The following LNP1 variants were observed in gnomAD, a reference collection of about 807,000 sequenced individuals.
LNP1 encodes leukemia NUP98 fusion partner 1.
Under a neutral mutation model 14.5 loss-of-function variants are expected in LNP1, and 12 were observed. The ratio of observed to expected loss-of-function variants is 0.83; its 90% CI spans 0.53 to 1.34. The LOEUF is 1.34. Ranked by LOEUF, LNP1 falls within the 40% of genes most tolerant of loss-of-function variation. The pLI is 0.00. For missense variants in LNP1, 198 were observed against 210.9 expected, an observed-to-expected ratio of 0.94 and a Z score of 0.38; for synonymous variants, 75 against 71.4, an observed-to-expected ratio of 1.05 and a Z score of -0.26.
At position 100,442,414 on chromosome 3, in the gene LNP1, A is replaced by G. The variant is rs556214096; in HGVS notation, c.157-9305A>G. Among the ~76,000 whole-genome samples, 4 of 152,318 alleles carry G rather than the reference A, an allele frequency of 2.6e-5. 1 individual carries two copies. The South Asian group carries it at 8.3e-4, about 32-fold the overall frequency. Reference sequence around the variant, plus strand: ...CCAACAACAAGTGCCTAAGGTGGTCAGAGGACAGTTTGGTTTTATACATTC... The same window carrying G: ...CCAACAACAAGTGCCTAAGGTGGTCGGAGGACAGTTTGGTTTTATACATTC... On this transcript the variant is annotated intron_variant, in intron 2 of 3. Coordinates refer to ENST00000383693, the MANE Select transcript of LNP1 (RefSeq NM_001085451.2).
chr3:100,409,468 C>T (rs527693054), intron 1 of LNP1, among the ~76,000 whole-genome samples: 1 of 151,090 alleles, frequency 6.6e-6, no homozygotes, highest in Non-Finnish European at 1.5e-5. Flanking sequence ...GACAGTGAAA[C>T]CCTGTCTTTA....
intron 1 of LNP1, among the ~76,000 whole-genome samples, chr3:100,421,929 A>G (rs1470835375): frequency 6.6e-6 from 1 of 152,074 alleles, no homozygotes; most frequent in Non-Finnish European, 1.5e-5. Flanking sequence ...TAAATGTTGT[A>G]TTTTGTCAGT....
intron 1 of LNP1, among the ~76,000 whole-genome samples, chr3:100,406,199 T>A (rs1706964116): frequency 6.6e-6 from 1 of 151,938 alleles, no homozygotes; most frequent in African/African-American, 2.4e-5. Context: ...GGCAGGAGAA[T>A]CGCTTGAACC....
intron 1 of LNP1, among the ~76,000 whole-genome samples, chr3:100,408,200 C>T (rs945130211): frequency 2.0e-5 from 3 of 152,206 alleles, no homozygotes; most frequent in Non-Finnish European, 2.9e-5. Flanking sequence ...GTTACTTATT[C>T]CAGCCCTCAC....
At chr3:100,425,654 C>T (rs1384299083) in intron 1 of LNP1, among the ~76,000 whole-genome samples, 3 of 151,954 alleles carry the variant, frequency 2.0e-5, no homozygotes, top group Non-Finnish European at 1.5e-5. Context: ...CTTATCTAGA[C>T]CATTTATAAG....
chr3:100,438,430 G>A (rs892095840), intron 2 of LNP1, among the ~76,000 whole-genome samples: 8 of 152,018 alleles, frequency 5.3e-5, no homozygotes, highest in African/African-American at 1.2e-4. Context: ...TGACTAGAGC[G>A]GTATATTTGT....
intron 3 of LNP1, among the ~76,000 whole-genome samples, chr3:100,452,484 G>C (rs1357842100): frequency 1.3e-5 from 2 of 151,920 alleles, no homozygotes; most frequent in Admixed American, 1.3e-4. Flanking sequence ...TAGGATTCCA[G>C]GTGTGAGCCA....
Position 100,429,689 on chromosome 3 carries a change from G to A in LNP1, c.-33-8G>A, listed in dbSNP as rs779395149. The A allele has an allele frequency of 7.0e-6, 11 of 1,571,156 alleles. No individual in the cohort carries two copies. Among genetic ancestry groups the A allele is most frequent in the South Asian group, 5.7e-5 (5 of 87,362 alleles). On this transcript the variant is annotated splice_region_variant and splice_polypyrimidine_tract_variant and intron_variant, in intron 1 of 3. Coordinates refer to ENST00000383693, the MANE Select transcript of LNP1 (RefSeq NM_001085451.2). ...CTGTTGGGTGATATTTCCCTCTGTC[G>A]CATTTAGGGACAGGCCTTCAGTATT...
chr3:100,453,972 C>T (rs1707485591), intron 3 of LNP1, among the ~76,000 whole-genome samples: 2 of 151,992 alleles, frequency 1.3e-5, no homozygotes, highest in South Asian at 4.1e-4. Context: ...TCTATTTTAC[C>T]CTGGAGCACT....
At chr3:100,438,672 G>C (rs1293002389) in intron 2 of LNP1, among the ~76,000 whole-genome samples, 1 of 152,194 alleles carries the variant, frequency 6.6e-6, no homozygotes, top group African/African-American at 2.4e-5. Flanking sequence ...CTTTGACAGA[G>C]ATTGTTGTTC....
chr3:100,453,975 G>A (rs1278585333), intron 3 of LNP1, among the ~76,000 whole-genome samples: 2 of 151,990 alleles, frequency 1.3e-5, no homozygotes, highest in Non-Finnish European at 2.9e-5. Flanking sequence ...ATTTTACCCT[G>A]GAGCACTTTC....
At chr3:100,418,221 G>A (rs1202239975) in intron 1 of LNP1, among the ~76,000 whole-genome samples, 4 of 150,808 alleles carry the variant, frequency 2.7e-5, no homozygotes, top group South Asian at 2.1e-4. Context: ...CACCACACCC[G>A]GCTAATTTTT....
Position 100,455,994 on chromosome 3 carries a change from C to T in LNP1, c.*68C>T. ...TTTTTTTCTTTGAGCCCCAATTCAC[C>T]ATTTCAGGATGTGGATGGGGGCGGG... On this transcript the variant is annotated 3_prime_UTR_variant, in exon 4 of 4. Transcript: ENST00000383693. 2.6e-6 allele frequency: 4 copies of T among 1,522,356 alleles called. No individual in the cohort carries two copies. The South Asian group carries it at 5.1e-5, about 20-fold the overall frequency. 94.3% of individuals were successfully genotyped at this position (1,522,356 alleles called of 1,614,324 possible). A position where few individuals can be genotyped will look rare whatever the true frequency, so the allele number is the denominator to read the frequency against.
intron 2 of LNP1, among the ~76,000 whole-genome samples, chr3:100,430,908 C>T (rs1299778120): frequency 6.6e-6 from 1 of 152,164 alleles, no homozygotes; most frequent in Non-Finnish European, 1.5e-5. Flanking sequence ...AAAGGGCAAT[C>T]GTCAACCCTT....
chr3:100,436,347 CCGTCATGGCT>C (rs1707294415), intron 2 of LNP1, among the ~76,000 whole-genome samples: 1 of 152,102 alleles, frequency 6.6e-6, no homozygotes, highest in Non-Finnish European at 1.5e-5. Context: ...ACCTCCCATC[CCGTCATGGCT>C]CAGAACTAAG....
At chr3:100,437,092 G>A (rs985370123) in intron 2 of LNP1, among the ~76,000 whole-genome samples, 1 of 152,182 alleles carries the variant, frequency 6.6e-6, no homozygotes, top group South Asian at 2.1e-4. Flanking sequence ...ATGGTATTTT[G>A]TTATAGCAGC....
chr3:100,445,905 C>G (rs1707383134), intron 2 of LNP1, among the ~76,000 whole-genome samples: 1 of 152,030 alleles, frequency 6.6e-6, no homozygotes, highest in East Asian at 1.9e-4. Flanking sequence ...ATGTGAAGGA[C>G]CTCTTCAAGG....
chr3:100,409,502 G>A (rs906284810), intron 1 of LNP1, among the ~76,000 whole-genome samples: 1 of 150,874 alleles, frequency 6.6e-6, no homozygotes, highest in Middle Eastern at 3.4e-3. Flanking sequence ...AATTAGCTGG[G>A]TGTGGTGGTG....
chr3:100,405,892 C>T lies in LNP1; in HGVS notation c.-34+3453C>T, dbSNP rs557701783. On this transcript the variant is annotated intron_variant, in intron 1 of 3. Transcript: ENST00000383693. ...CTGAAAGACTTTTAAATCCTCTTCA[C>T]TTTCACTATAAAGTTCAACATTTCT... Among the ~76,000 whole-genome samples, 4 of 152,332 alleles carry T rather than the reference C, an allele frequency of 2.6e-5. No homozygotes were observed. In the South Asian group the frequency reaches 8.3e-4, roughly 32 times the overall value.
Sources: allele counts gnomAD v4.1 joint callset (sites outside exome capture counted in the v4.1 genomes callset), GRCh38; gene constraint gnomAD v4.1.1; transcripts MANE v1.5; gene names NCBI Gene and HGNC (gene_info 2026-07-23, HGNC 2026-07-21).